SH2B3: variants seen among roughly 807,000 people sequenced by gnomAD.
SH2B3 encodes the protein SH2B adapter protein 3.
A neutral mutation model predicts 51.9 loss-of-function variants in SH2B3; 43 were observed. That is an observed-to-expected ratio of 0.83 (90% confidence interval 0.65 to 1.07). The LOEUF (loss-of-function observed/expected upper bound fraction) is 1.07. Among genes scored for constraint, SH2B3 ranks in the 50% least tolerant of loss-of-function variants. SH2B3 has a pLI of 0.00. For synonymous variants in SH2B3, 396 were observed against 376.0 expected (o/e 1.05, Z -0.62); for missense variants, 952 against 834.3 (o/e 1.14, Z -1.74).
intron 2 of SH2B3, among the ~76,000 whole-genome samples, chr12:111,421,912 G>A (rs1871593309): frequency 1.3e-5 from 2 of 152,232 alleles, no homozygotes; most frequent in Admixed American, 1.3e-4. Flanking sequence ...TGGATTCCTA[G>A]AAGTGGCATT....
intron 2 of SH2B3, chr12:111,444,808 A>C: frequency 1.0e-6 from 1 of 985,594 alleles, no homozygotes; most frequent in Non-Finnish European, 1.2e-6. Flanking sequence ...CCATGTGCCC[A>C]CACGCTGCAA....
chr12:111,447,730 G>C lies in SH2B3; in HGVS notation c.1311G>C (p.Met437Ile). The change falls in exon 7 of 8, where the codon ATG becomes ATC. Residue 437 changes from methionine to isoleucine, a missense_variant. Met to Ile is a conservative substitution (Grantham distance 10, BLOSUM62 1). Transcript: ENST00000341259. ...TCCACTTTCCCTCGGTCGTGGACAT[G>C]CTCCACCACTTCCAGCGCTCGCCCA... ...QHLHFPSVVD[M>I]LHHFQRSPIP... 6.2e-7 allele frequency: 1 copy of C among 1,614,056 alleles called. No individual in the cohort carries two copies. Among genetic ancestry groups the C allele is most frequent in the South Asian group, 1.1e-5 (1 of 91,082 alleles).
At position 111,418,334 on chromosome 12, in the gene SH2B3, G is replaced by T. The variant is rs1448889567; in HGVS notation, c.189G>T (p.Val63=). The T allele has an allele frequency of 2.0e-6, 3 of 1,525,002 alleles. No individual in the cohort carries two copies. Among genetic ancestry groups the T allele is most frequent in the African/African-American group, 1.4e-5 (1 of 71,302 alleles). 94.5% of individuals were successfully genotyped at this position (1,525,002 alleles called of 1,614,324 possible). A position where few individuals can be genotyped will look rare whatever the true frequency, so the allele number is the denominator to read the frequency against. Residue 63 remains valine, a synonymous_variant, in exon 2 of 8, where the codon GTG becomes GTT. Transcript: ENST00000341259. The surrounding 1 kb of genome is among the most constrained non-coding windows in gnomAD (Gnocchi z 6.7). ...ACGCGCCGCTGCGCGCCGAGCTGGT[G>T]TCGCTGCAGTTCACCGACCTCTTCC... ...PQHAPLRAEL[V]SLQFTDLFQR...
chr12:111,431,635 G>T (rs996428897), intron 2 of SH2B3, among the ~76,000 whole-genome samples: 1 of 152,120 alleles, frequency 6.6e-6, no homozygotes, highest in Admixed American at 6.5e-5. Context: ...AGACTAGAGA[G>T]CAGTGGCGCC....
intron 1 of SH2B3, among the ~76,000 whole-genome samples, chr12:111,412,379 G>A (rs996170350): frequency 1.1e-4 from 16 of 152,132 alleles, no homozygotes; most frequent in African/African-American, 3.6e-4. Context: ...CTGAGCAGCC[G>A]CCTCTCCCCT....
At chr12:111,433,457 T>C (rs1872638704) in intron 2 of SH2B3, among the ~76,000 whole-genome samples, 4 of 152,248 alleles carry the variant, frequency 2.6e-5, no homozygotes, top group Admixed American at 2.6e-4. Context: ...GGACTCCAGT[T>C]TCTCCATGTC....
In SH2B3 at chr12:111,418,934, T is replaced by C. The variant is rs7973120; in HGVS notation, c.732+57T>C. 1.5e-6 allele frequency: 2 copies of C among 1,345,912 alleles called. No homozygotes were observed. Among genetic ancestry groups the C allele is most frequent in the Middle Eastern group, 2.8e-4 (1 of 3,624 alleles). 83.4% of individuals were successfully genotyped at this position (1,345,912 alleles called of 1,614,324 possible). A position where few individuals can be genotyped will look rare whatever the true frequency, so the allele number is the denominator to read the frequency against. ...TGCACTGCGCCCTTCGCCTTCACCC[T>C]GGGGAGAGCGCGGGCTGGGGAGGTG... On this transcript the variant is annotated intron_variant, in intron 2 of 7. Transcript: ENST00000341259. The surrounding 1 kb of genome is among the most constrained non-coding windows in gnomAD (Gnocchi z 6.7).
rs796944149 is a variant in SH2B3 at position 111,451,429 on chromosome 12, G to A, written c.*3127G>A. ...TTAACAAGGACACATCTGACATCCT[G>A]TGTTTGGTTAGAATATACAGCACAT... is the stretch of plus-strand genomic sequence containing the variant. On this transcript the variant is annotated 3_prime_UTR_variant, in exon 8 of 8. Coordinates refer to ENST00000341259, the MANE Select transcript of SH2B3 (RefSeq NM_005475.3). 2 of 152,602 alleles carry A rather than the reference G, an allele frequency of 1.3e-5. No homozygotes were observed. Among genetic ancestry groups the A allele is most frequent in the African/African-American group, 2.4e-5 (1 of 41,450 alleles). The allele number at this position is 152,602 out of a possible 1,614,324, so 9.5% of individuals were successfully genotyped here.
Position 111,406,303 on chromosome 12 carries a change from C to T in SH2B3, c.-28+26C>T, listed in dbSNP as rs934504136. 3.3e-5 allele frequency: 5 copies of T among 152,256 alleles called. No homozygotes were observed. The highest frequency in any genetic ancestry group is 7.3e-5 in the Non-Finnish European group (5 of 68,084). The allele number at this position is 152,256 out of a possible 1,614,324, so 9.4% of individuals were successfully genotyped here. ...GTGAGCCCGCGTTTGCCCGCGCTCCCCTCCTCCGGGGCCGGGAGGGCTTTT... is the reference window on the plus strand; with the variant it reads ...GTGAGCCCGCGTTTGCCCGCGCTCCTCTCCTCCGGGGCCGGGAGGGCTTTT... On this transcript the variant is annotated intron_variant, in intron 1 of 7. Coordinates refer to ENST00000341259, the MANE Select transcript of SH2B3 (RefSeq NM_005475.3). The surrounding 1 kb of genome is among the most constrained non-coding windows in gnomAD (Gnocchi z 5.7).
In SH2B3 at chr12:111,447,137, A is replaced by G; in HGVS notation, c.939A>G (p.Thr313=). The part of the protein sequence containing the change: ...SECTGRGLES[T]EAEMHIPSAL... ...TCTTCTCCAGCAGGCTGGAGAGCAC[A>G]GAAGCAGAGATGCATATTCCCTCAG... The change falls in exon 5 of 8, where the codon ACA becomes ACG. Residue 313 remains threonine (T), a synonymous_variant. Coordinates refer to ENST00000341259, the MANE Select transcript of SH2B3 (RefSeq NM_005475.3). The G allele has an allele frequency of 6.2e-7, 1 of 1,613,856 alleles. No individual in the cohort carries two copies. The highest frequency in any genetic ancestry group is 1.3e-5 in the African/African-American group (1 of 75,036).
intron 2 of SH2B3, among the ~76,000 whole-genome samples, chr12:111,431,035 G>C (rs1286696129): frequency 6.8e-6 from 1 of 147,634 alleles, no homozygotes; most frequent in African/African-American, 2.5e-5. Flanking sequence ...GGTGGCGGGG[G>C]GGGCTTCCTC....
chr12:111,445,754 G>T (rs1873894451), intron 2 of SH2B3, among the ~76,000 whole-genome samples: 1 of 152,276 alleles, frequency 6.6e-6, no homozygotes, highest in Non-Finnish European at 1.5e-5. Flanking sequence ...GTGGGGAAGG[G>T]GGATAAAGGA....
At chr12:111,437,475 G>A (rs533225300) in intron 2 of SH2B3, among the ~76,000 whole-genome samples, 2 of 152,318 alleles carry the variant, frequency 1.3e-5, no homozygotes, top group South Asian at 4.1e-4. Flanking sequence ...CCGCTGCCCT[G>A]TGGACTGGGC....
At chr12:111,447,583 C>G (rs760935163) in intron 6 of SH2B3, 39 bp downstream of exon 6, 3 of 1,605,628 alleles carry the variant, frequency 1.9e-6, no homozygotes, top group Non-Finnish European at 2.6e-6. Flanking sequence ...CAGGCAGGAC[C>G]GTGCCACCCC....
intron 2 of SH2B3, chr12:111,434,824 G>A: frequency 6.6e-7 from 1 of 1,521,634 alleles, no homozygotes; most frequent in Non-Finnish European, 8.8e-7. Context: ...GTCAAGGCCT[G>A]TGACATGGTA....
chr12:111,430,293 C>A (rs1157788896), intron 2 of SH2B3, among the ~76,000 whole-genome samples: 1 of 152,214 alleles, frequency 6.6e-6, no homozygotes, highest in East Asian at 1.9e-4. Flanking sequence ...TGAAAAAGTG[C>A]TTTGCCGCTT....
In SH2B3 at chr12:111,418,644, GGA is replaced by G. The variant is rs761617118; in HGVS notation, c.503_504del (p.Glu168GlyfsTer3). On this transcript the variant is annotated frameshift_variant, in exon 2 of 8. Coordinates refer to ENST00000341259, the MANE Select transcript of SH2B3 (RefSeq NM_005475.3). LOFTEE classifies it high-confidence loss of function. This position sits in a 1 kb window ranked among gnomAD's most constrained non-coding sequence, Gnocchi z 6.7. ...CACCGCTGCCGCCCCCGGGACCCCC[GGA>G]GAGGCTGCTGAGACCCCCGCCCGGC... ...AHTAAAPGTP[G>X]EAAETPARPG... 1 of 1,478,728 alleles carries G rather than the reference GGA, an allele frequency of 6.8e-7. No homozygotes were observed. Among genetic ancestry groups the G allele is most frequent in the South Asian group, 1.3e-5 (1 of 77,908 alleles). The allele number at this position is 1,478,728 out of a possible 1,614,324, so 91.6% of individuals were successfully genotyped here.
rs756587191 is a variant in SH2B3, at chr12:111,448,143, G to A, written c.1569G>A (p.Glu523=). ...TCCCAGGGCGATCCTCACCCCCCGA[G>A]CAGATCTTCCACCTGGTGCCTTCGC... ...EGLPGRSSPP[E]QIFHLVPSPE... Residue 523 remains glutamate (E), a synonymous_variant, in exon 8 of 8, where the codon GAG becomes GAA. Transcript: ENST00000341259. 1.2e-6 allele frequency: 2 copies of A among 1,614,180 alleles called. No homozygotes were observed. Among genetic ancestry groups the A allele is most frequent in the South Asian group, 1.1e-5 (1 of 91,078 alleles).
rs1188988217 is a variant in SH2B3, at chr12:111,450,428, T to G, written c.*2126T>G. On this transcript the variant is annotated 3_prime_UTR_variant, in exon 8 of 8. Transcript: ENST00000341259. ...AAGTTTTTTTAAAGGAGAAAGCTTA[T>G]TATGGAAAGTCACTGGTCCTCCCCT... 1 of 152,210 alleles carries G rather than the reference T, an allele frequency of 6.6e-6. No individual in the cohort carries two copies. Among genetic ancestry groups the G allele is most frequent in the Non-Finnish European group, 1.5e-5 (1 of 68,026 alleles). The allele number at this position is 152,210 out of a possible 1,614,324, so 9.4% of individuals were successfully genotyped here. A position where few individuals can be genotyped will look rare whatever the true frequency, so the allele number is the denominator to read the frequency against.
Sources: gnomAD v4.1 joint callset for allele counts (sites outside exome capture counted in the v4.1 genomes callset) on GRCh38, gnomAD v4.1.1 for gene constraint, Gnocchi (gnomAD v3.1) non-coding constraint, MANE v1.5 for transcripts, NCBI Gene and HGNC (gene_info 2026-07-23, HGNC 2026-07-21) for gene names.